The following DOCK4 variants were observed in gnomAD, a reference collection of about 807,000 sequenced individuals.
DOCK4 encodes the protein dedicator of cytokinesis 4.
DOCK4 carries 97 observed loss-of-function variants against 268.1 expected under a neutral mutation model. The ratio of observed to expected loss-of-function variants is 0.36; its 90% CI spans 0.31 to 0.43. The LOEUF is 0.43. DOCK4 is among the 20% of genes least tolerant of loss of function. The pLI, the probability that DOCK4 is intolerant of heterozygous loss-of-function variation, is 1.00. For missense variants in DOCK4, 2,145 were observed against 2,455.7 expected (o/e 0.87, Z 2.67); for synonymous variants, 954 against 887.2 (o/e 1.08, Z -1.34).
chr7:111,894,186 C>T lies in DOCK4; in HGVS notation c.1587+1426G>A, dbSNP rs541424396. 3.4e-5 allele frequency among the ~76,000 whole-genome samples: 5 copies of T among 148,416 alleles called. No homozygotes were observed. In the South Asian group the frequency reaches 1.1e-3, roughly 31 times the overall value. On this transcript the variant is annotated intron_variant, in intron 16 of 52. Transcript: ENST00000428084. ...GCAGTGAGTCAAGATTGTGCCGCTGCACTCCAGCCTGGGCGACAGAGCAAG... is the reference window on the plus strand; with the variant it reads ...GCAGTGAGTCAAGATTGTGCCGCTGTACTCCAGCCTGGGCGACAGAGCAAG...
At chr7:111,752,578 G>GTTTTTTTTTTTTTTTTTTTTTTTTTTTTT (rs56037303) in intron 42 of DOCK4, among the ~76,000 whole-genome samples, 1 of 82,216 alleles carries the variant, frequency 1.2e-5, no homozygotes, top group Non-Finnish European at 2.2e-5. Flanking sequence ...ATCAGCTTAG[G>GTTTTTTTTTTTTTTTTTTTTTTTTTTTTT]TTTTTTTTTT....
At chr7:111,864,068 C>T (rs969916501) in intron 22 of DOCK4, among the ~76,000 whole-genome samples, 10 of 152,258 alleles carry the variant, frequency 6.6e-5, no homozygotes, top group African/African-American at 1.9e-4. Flanking sequence ...ATTAGCTTTG[C>T]TTCCAATAAC....
At chr7:112,053,480 A>G (rs1459806113) in intron 1 of DOCK4, among the ~76,000 whole-genome samples, 1 of 152,200 alleles carries the variant, frequency 6.6e-6, no homozygotes. Flanking sequence ...GAAGTCCAAG[A>G]AGTAACTCTG....
chr7:112,018,166 A>C lies in DOCK4; in HGVS notation c.38-14035T>G, dbSNP rs1206839434. Among the ~76,000 whole-genome samples the C allele has an allele frequency of 1.1e-3, 164 of 143,426 alleles. 8 individuals are homozygous for C. The highest frequency in any genetic ancestry group is 4.2e-3 in the African/African-American group (160 of 38,434). 94.1% of individuals were successfully genotyped at this position (143,426 alleles called of 152,430 possible). ...CTCAAAAAAAAAAAAAAAAAAAAAA[A>C]AAAAAAAAAAAAAACACAGGCAACC... On this transcript the variant is annotated intron_variant, in intron 1 of 52. Coordinates refer to ENST00000428084, the MANE Select transcript of DOCK4 (RefSeq NM_001363540.2).
intron 1 of DOCK4, among the ~76,000 whole-genome samples, chr7:112,120,538 C>T (rs1167006521): frequency 6.6e-6 from 1 of 152,248 alleles, no homozygotes; most frequent in East Asian, 1.9e-4. Context: ...AGTAAATGGA[C>T]ATATCTAGAA....
At chr7:112,055,530 C>T (rs563413116) in intron 1 of DOCK4, among the ~76,000 whole-genome samples, 35 of 152,114 alleles carry the variant, frequency 2.3e-4, no homozygotes, top group Middle Eastern at 6.8e-3. Flanking sequence ...TTTTTTTCTT[C>T]CCCATCATCA....
intron 12 of DOCK4, among the ~76,000 whole-genome samples, chr7:111,925,364 G>C (rs1365549972): frequency 6.6e-6 from 1 of 152,138 alleles, no homozygotes; most frequent in Non-Finnish European, 1.5e-5. Flanking sequence ...TACACTGGGA[G>C]GTCAGAGACA....
chr7:112,045,296 TACA>T (rs2135526513), intron 1 of DOCK4, among the ~76,000 whole-genome samples: 1 of 152,328 alleles, frequency 6.6e-6, no homozygotes, highest in Non-Finnish European at 1.5e-5. Context: ...AATGTCACCT[TACA>T]ACAAGAGTTT....
chr7:112,067,705 G>A (rs1807205601), intron 1 of DOCK4, among the ~76,000 whole-genome samples: 1 of 152,178 alleles, frequency 6.6e-6, no homozygotes, highest in Non-Finnish European at 1.5e-5. Flanking sequence ...CTTCTTTCCA[G>A]TCAGTACCTG....
intron 6 of DOCK4, among the ~76,000 whole-genome samples, chr7:111,985,191 G>A (rs966203432): frequency 9.2e-5 from 14 of 151,990 alleles, no homozygotes; most frequent in Non-Finnish European, 1.8e-4. Context: ...GGGCACCCAC[G>A]GTACAATGCT....
intron 1 of DOCK4, among the ~76,000 whole-genome samples, chr7:112,089,486 A>G (rs1265731953): frequency 6.6e-6 from 1 of 152,204 alleles, no homozygotes; most frequent in African/African-American, 2.4e-5. Flanking sequence ...AAGGATATAC[A>G]ACTTAAAACC....
chr7:112,189,829 G>T (rs910109952), intron 1 of DOCK4, among the ~76,000 whole-genome samples: 1 of 130,254 alleles, frequency 7.7e-6, no homozygotes, highest in Non-Finnish European at 1.6e-5. Flanking sequence ...CAATCCACCC[G>T]CTTCAGCCTC....
rs111946769 is a variant in DOCK4 at position 112,147,975 on chromosome 7, C to T, written c.37+58127G>A. Among the ~76,000 whole-genome samples, 113 of 151,964 alleles carry T rather than the reference C, an allele frequency of 7.4e-4. 1 individual carries two copies. The highest frequency in any genetic ancestry group is 2.5e-3 in the African/African-American group (104 of 41,446). ...CCTCAGGCCTCCTATCACCCCTCTG[C>T]TCAAGCACACATGCTCTCTCCCTCT... On this transcript the variant is annotated intron_variant, in intron 1 of 52. Coordinates refer to ENST00000428084, the MANE Select transcript of DOCK4 (RefSeq NM_001363540.2).
At chr7:112,170,452 C>A (rs967327013) in intron 1 of DOCK4, among the ~76,000 whole-genome samples, 10 of 151,740 alleles carry the variant, frequency 6.6e-5, no homozygotes, top group African/African-American at 2.4e-4. Flanking sequence ...CAGAATAATA[C>A]CCCGTCTTAA....
chr7:111,796,060 A>T (rs1441837188), intron 30 of DOCK4, among the ~76,000 whole-genome samples: 1 of 152,094 alleles, frequency 6.6e-6, no homozygotes, highest in East Asian at 1.9e-4. Context: ...TGCTGGCAAG[A>T]TGTTCACCCC....
chr7:111,979,479 A>ATT (rs10629057), intron 7 of DOCK4, among the ~76,000 whole-genome samples: 20,973 of 147,236 alleles, frequency 0.14, 2,322 homozygotes, highest in East Asian at 0.32. Flanking sequence ...TGCTTTAACA[A>ATT]TTTTTTTTTT....
At chr7:112,071,583 C>A (rs1220214165) in intron 1 of DOCK4, among the ~76,000 whole-genome samples, 1 of 152,212 alleles carries the variant, frequency 6.6e-6, no homozygotes, top group East Asian at 1.9e-4. Flanking sequence ...TTGAATGATT[C>A]TATTCCAATA....
chr7:111,997,186 T>C (rs1456926372), intron 4 of DOCK4, among the ~76,000 whole-genome samples: 1 of 152,216 alleles, frequency 6.6e-6, no homozygotes, highest in Non-Finnish European at 1.5e-5. Context: ...CTGAATGGTA[T>C]CACATCTAGC....
At chr7:111,862,137 A>G (rs982228825) in intron 23 of DOCK4, among the ~76,000 whole-genome samples, 4 of 151,870 alleles carry the variant, frequency 2.6e-5, no homozygotes, top group Admixed American at 6.6e-5. Flanking sequence ...TGCCTCTACT[A>G]AAAATACAAA....
Sources: allele counts gnomAD v4.1 joint callset (sites outside exome capture counted in the v4.1 genomes callset), GRCh38; gene constraint gnomAD v4.1.1; transcripts MANE v1.5; gene names NCBI Gene and HGNC (gene_info 2026-07-23, HGNC 2026-07-21).